Variants in BANP observed in about 807,000 individuals in gnomAD.
BANP encodes the protein protein BANP.
A neutral mutation model predicts 68.1 loss-of-function variants in BANP; 11 were observed. That is an observed-to-expected ratio of 0.16 (90% CI 0.10 to 0.27). The LOEUF is 0.27. Among genes scored for constraint, BANP ranks in the 10% least tolerant of loss-of-function variants. The probability of loss-of-function intolerance (pLI) is 1.00; values close to 1 mark genes in which losing one functional copy is unlikely to be tolerated. For missense variants in BANP, 504 were observed against 722.7 expected, an observed-to-expected ratio of 0.70 and a Z score of 3.47; for synonymous variants, 329 against 303.2, an observed-to-expected ratio of 1.09 and a Z score of -0.88.
intron 4 of BANP, among the ~76,000 whole-genome samples, chr16:87,997,293 C>T (rs919499402): frequency 2.0e-5 from 3 of 152,232 alleles, no homozygotes; most frequent in East Asian, 3.8e-4. Flanking sequence ...CAAAGTAAAA[C>T]AGTTAAAAAA....
chr16:88,031,321 C>T (rs1406258170), intron 8 of BANP, among the ~76,000 whole-genome samples: 7 of 152,214 alleles, frequency 4.6e-5, no homozygotes, highest in Non-Finnish European at 5.9e-5. Context: ...TGTAGCTAGG[C>T]AATTTCTAGC....
At chr16:88,044,153 C>G (rs1268274944) in intron 11 of BANP, among the ~76,000 whole-genome samples, 3 of 152,212 alleles carry the variant, frequency 2.0e-5, no homozygotes, top group Non-Finnish European at 4.4e-5. Context: ...CTATAAAGGC[C>G]AACTCGCATT....
intron 1 of BANP, chr16:87,952,703 T>C (rs1291651998): frequency 1.3e-5 from 2 of 152,222 alleles, no homozygotes; most frequent in Non-Finnish European, 2.9e-5. Flanking sequence ...TGTATGTGGG[T>C]CCACTTCCCG....
chr16:87,962,590 G>A (rs2059385580), intron 1 of BANP, among the ~76,000 whole-genome samples: 1 of 152,102 alleles, frequency 6.6e-6, no homozygotes, highest in South Asian at 2.1e-4. Context: ...GTGAAATTAT[G>A]CATGCTAATA....
intron 11 of BANP, 147 bp downstream of exon 11, chr16:88,038,158 A>T: frequency 1.1e-5 from 1 of 87,146 alleles, no homozygotes; most frequent in Non-Finnish European, 2.4e-5. Flanking sequence ...CTCTCACGGG[A>T]GGGGTGGGAC....
At chr16:88,048,797 G>T (rs146640849) in intron 11 of BANP, among the ~76,000 whole-genome samples, 4 of 151,932 alleles carry the variant, frequency 2.6e-5, no homozygotes, top group Admixed American at 6.6e-5. Flanking sequence ...GTATGGAATA[G>T]GAGCTCACCA....
intron 11 of BANP, among the ~76,000 whole-genome samples, chr16:88,047,223 G>T (rs1482710399): frequency 6.6e-6 from 1 of 152,126 alleles, no homozygotes; most frequent in African/African-American, 2.4e-5. Flanking sequence ...GCTTGATGCG[G>T]GTCACGTAAC....
intron 7 of BANP, among the ~76,000 whole-genome samples, chr16:88,022,073 G>C (rs2076135787): frequency 6.6e-6 from 1 of 152,116 alleles, no homozygotes; most frequent in Non-Finnish European, 1.5e-5. Flanking sequence ...CCCGAATTTG[G>C]GCAGCTAACC....
At chr16:88,043,749 GGA>G (rs1487065057) in intron 11 of BANP, among the ~76,000 whole-genome samples, 4 of 152,236 alleles carry the variant, frequency 2.6e-5, no homozygotes, top group East Asian at 1.9e-4. Context: ...ATTCATAGAG[GGA>G]GAGAGTACGT....
intron 1 of BANP, among the ~76,000 whole-genome samples, chr16:87,959,593 G>T (rs1246152473): frequency 6.6e-6 from 1 of 152,248 alleles, no homozygotes; most frequent in Non-Finnish European, 1.5e-5. Flanking sequence ...AGCCACAGAA[G>T]GGCTTAGCGG....
At chr16:87,997,743 G>A (rs1314609392) in intron 4 of BANP, among the ~76,000 whole-genome samples, 1 of 152,266 alleles carries the variant, frequency 6.6e-6, no homozygotes, top group Admixed American at 6.5e-5. Context: ...GTGGTAAAGT[G>A]GGTGAAATAG....
intron 2 of BANP, among the ~76,000 whole-genome samples, chr16:87,976,923 A>G (rs1237737761): frequency 6.6e-6 from 1 of 152,236 alleles, no homozygotes; most frequent in Non-Finnish European, 1.5e-5. Context: ...GTAATCTTGT[A>G]AAATGAAAGT....
intron 4 of BANP, among the ~76,000 whole-genome samples, chr16:87,987,416 A>G (rs1268748491): frequency 6.6e-6 from 1 of 152,102 alleles, no homozygotes; most frequent in African/African-American, 2.4e-5. Context: ...TAAATGTGGT[A>G]TATTTGAATG....
intron 11 of BANP, among the ~76,000 whole-genome samples, chr16:88,049,994 C>A (rs887599102): frequency 2.0e-5 from 3 of 152,168 alleles, no homozygotes; most frequent in Non-Finnish European, 4.4e-5. Context: ...CAATTAAGAA[C>A]CCTCTTCAGG....
At chr16:88,008,602 G>A (rs1027997825) in intron 6 of BANP, among the ~76,000 whole-genome samples, 7 of 152,146 alleles carry the variant, frequency 4.6e-5, no homozygotes, top group Admixed American at 1.3e-4. Context: ...CTTATGAGAC[G>A]ATATCAAATT....
At position 88,004,400 on chromosome 16, in the gene BANP, T is replaced by C; in HGVS notation, c.468T>C (p.Asn156=). 6.5e-7 allele frequency: 1 copy of C among 1,528,704 alleles called. No individual in the cohort carries two copies. Among genetic ancestry groups the C allele is most frequent in the Non-Finnish European group, 8.9e-7 (1 of 1,128,894 alleles). The allele number at this position is 1,528,704 out of a possible 1,614,324, so 94.7% of individuals were successfully genotyped here. A position where few individuals can be genotyped will look rare whatever the true frequency, so the allele number is the denominator to read the frequency against. Residue 156 remains asparagine (N), a synonymous_variant, in exon 5 of 14, where the codon AAT becomes AAC. Coordinates refer to ENST00000682872, the MANE Select transcript of BANP (RefSeq NM_001386991.1). The surrounding 1 kb of genome is among the most constrained non-coding windows in gnomAD (Gnocchi z 7.0). ...LSNRAPDSLE[N]VISNAVPGRR... is the part of the protein sequence containing the mutation. ...ACAGGGCACCGGATTCCCTGGAAAA[T>C]GTCATTAGCAAGTCAGTAGCACGGC... is the stretch of plus-strand genomic sequence containing the variant.
intron 11 of BANP, among the ~76,000 whole-genome samples, chr16:88,045,127 T>C (rs1017709399): frequency 1.3e-5 from 2 of 152,006 alleles, no homozygotes; most frequent in Non-Finnish European, 2.9e-5. Flanking sequence ...TGATTATAAA[T>C]GTGCTAGTTA....
At chr16:88,001,183 C>G (rs1296325880) in intron 4 of BANP, among the ~76,000 whole-genome samples, 1 of 106,706 alleles carries the variant, frequency 9.4e-6, no homozygotes, top group Non-Finnish European at 1.8e-5. Context: ...CATGCACGCA[C>G]GTGTGCGGCT....
chr16:88,054,753 G>A lies in BANP; in HGVS notation c.1312-10514G>A, dbSNP rs190445092. The stretch of plus-strand genomic sequence containing the variant: ...TCATAGGAATATTTATGGAGGGTCA[G>A]TGGGCATGGCTTCTGTCCTTACTAT... On this transcript the variant is annotated intron_variant, in intron 11 of 13. Coordinates refer to ENST00000682872, the MANE Select transcript of BANP (RefSeq NM_001386991.1). Among the ~76,000 whole-genome samples the A allele has an allele frequency of 1.3e-3, 205 of 152,350 alleles. 2 individuals are homozygous for A. The highest frequency in any genetic ancestry group is 1.2e-3 in the Non-Finnish European group (79 of 68,040).
Sources: gnomAD v4.1 joint callset for allele counts (sites outside exome capture counted in the v4.1 genomes callset) on GRCh38, gnomAD v4.1.1 for gene constraint, Gnocchi (gnomAD v3.1) non-coding constraint, MANE v1.5 for transcripts, NCBI Gene and HGNC (gene_info 2026-07-23, HGNC 2026-07-21) for gene names.